The following ACACA variants were observed in gnomAD, a reference collection of about 807,000 sequenced individuals.
ACACA encodes the protein acetyl-CoA carboxylase 1.
A neutral mutation model predicts 296.1 loss-of-function variants in ACACA; 103 were observed. The observed-to-expected ratio is 0.35, with a 90% CI of 0.30 to 0.41. The LOEUF (loss-of-function observed/expected upper bound fraction) is 0.41, where lower values mean the gene tolerates loss of function less well. Ranked by LOEUF, ACACA falls within the 10% of genes least tolerant of loss-of-function variation. The probability of loss-of-function intolerance (pLI) is 1.00; values close to 1 mark genes in which losing one functional copy is unlikely to be tolerated. For missense variants in ACACA, 1,554 were observed against 2,989.7 expected, an observed-to-expected ratio of 0.52 and a Z score of 11.20; for synonymous variants, 953 against 1,038.6, an observed-to-expected ratio of 0.92 and a Z score of 1.58.
chr17:37,150,454 AC>A (rs1295400507), intron 44 of ACACA, among the ~76,000 whole-genome samples: 1 of 151,984 alleles, frequency 6.6e-6, no homozygotes, highest in African/African-American at 2.4e-5. Flanking sequence ...AGGCAGGAAA[AC>A]CACTTGAACC....
intron 42 of ACACA, among the ~76,000 whole-genome samples, chr17:37,161,293 C>T (rs1359079355): frequency 6.6e-6 from 1 of 152,074 alleles, no homozygotes; most frequent in African/African-American, 2.4e-5. Flanking sequence ...GGACAATATT[C>T]CCCTTCCAGG....
chr17:37,098,220 G>A (rs1302138403), intron 52 of ACACA, among the ~76,000 whole-genome samples: 4 of 152,194 alleles, frequency 2.6e-5, no homozygotes, highest in South Asian at 2.1e-4. Flanking sequence ...GCAGTCACAA[G>A]TGTGAAGGCA....
intron 3 of ACACA, among the ~76,000 whole-genome samples, chr17:37,285,509 T>C (rs946022152): frequency 6.6e-6 from 1 of 152,124 alleles, no homozygotes; most frequent in African/African-American, 2.4e-5. Context: ...CTTCTTTTCT[T>C]TTTACTTTAA....
chr17:37,196,629 A>C (rs968486343), intron 35 of ACACA, among the ~76,000 whole-genome samples: 4 of 152,136 alleles, frequency 2.6e-5, no homozygotes, highest in Non-Finnish European at 5.9e-5. Context: ...GCTTAAAAAA[A>C]AAAAAGCATA....
chr17:37,276,435 G>A lies in ACACA; in HGVS notation c.803-386C>T, dbSNP rs180854717. Among the ~76,000 whole-genome samples the A allele has an allele frequency of 5.3e-5, 8 of 152,218 alleles. No individual in the cohort carries two copies. The East Asian group carries it at 1.2e-3, about 22-fold the overall frequency. ...AGGATTCAAGTCTGAAATAGTATAC[G>A]CTCTTTGGTCTTAGGGGAACCCAAA... On this transcript the variant is annotated intron_variant, in intron 7 of 55. Transcript: ENST00000616317.
Position 37,342,444 on chromosome 17 carries a change from T to TAC in ACACA, c.39-2595_39-2594insGT, listed in dbSNP as rs1487229755. Among the ~76,000 whole-genome samples the TAC allele has an allele frequency of 7.8e-4, 89 of 113,438 alleles. No homozygotes were observed. In the South Asian group the frequency reaches 0.012, roughly 15 times the overall value. The allele number at this position is 113,438 out of a possible 152,430, so 74.4% of individuals were successfully genotyped here. A position where few individuals can be genotyped will look rare whatever the true frequency, so the allele number is the denominator to read the frequency against. On this transcript the variant is annotated intron_variant, in intron 1 of 55. Transcript: ENST00000616317. ...AAAAAAAAAAAAAAAAAAATATATA[T>TAC]ATATATATATATATACACACACACA... is the stretch of plus-strand genomic sequence containing the variant.
At chr17:37,397,265 T>C (rs577199909) in intron 1 of ACACA, among the ~76,000 whole-genome samples, 1 of 152,272 alleles carries the variant, frequency 6.6e-6, no homozygotes, top group Non-Finnish European at 1.5e-5. Context: ...ATGTGCCACA[T>C]TTTCTTAATC....
At chr17:37,301,183 A>G (rs563417579) in intron 3 of ACACA, among the ~76,000 whole-genome samples, 213 of 152,344 alleles carry the variant, frequency 1.4e-3, no homozygotes, top group African/African-American at 5.0e-3. Context: ...GGATCTTTCT[A>G]CGACAACCAA....
At chr17:37,178,795 C>T (rs2077213235) in intron 41 of ACACA, among the ~76,000 whole-genome samples, 1 of 151,818 alleles carries the variant, frequency 6.6e-6, no homozygotes, top group African/African-American at 2.4e-5. Context: ...AGCGAGACAC[C>T]ATCTCAAAAA....
chr17:37,134,050 A>G lies in ACACA; in HGVS notation c.5680-3832T>C, dbSNP rs538956216. ...CGGACCTAAGAATTAAGGGCACCACATAAAAGCCGGTGATTAGCAGAGACA... is the reference window on the plus strand; with the variant it reads ...CGGACCTAAGAATTAAGGGCACCACGTAAAAGCCGGTGATTAGCAGAGACA... On this transcript the variant is annotated intron_variant, in intron 45 of 55. Coordinates refer to ENST00000616317, the MANE Select transcript of ACACA (RefSeq NM_198834.3). Among the ~76,000 whole-genome samples, 143 of 152,352 alleles carry G rather than the reference A, an allele frequency of 9.4e-4. 1 individual carries two copies. The highest frequency in any genetic ancestry group is 3.1e-3 in the African/African-American group (129 of 41,578).
chr17:37,090,028 G>A (rs776503892), intron 54 of ACACA, among the ~76,000 whole-genome samples: 5 of 152,198 alleles, frequency 3.3e-5, no homozygotes, highest in African/African-American at 4.8e-5. Flanking sequence ...GTCAAAGTCA[G>A]AATGACAATG....
chr17:37,203,574 T>C (rs2145327875), intron 33 of ACACA, among the ~76,000 whole-genome samples: 1 of 151,754 alleles, frequency 6.6e-6, no homozygotes, highest in African/African-American at 2.4e-5. Context: ...AGAAACCCCA[T>C]CTCTACTAAA....
intron 3 of ACACA, among the ~76,000 whole-genome samples, chr17:37,298,966 T>C (rs1421028000): frequency 2.0e-5 from 3 of 152,064 alleles, no homozygotes. Context: ...ATCCAGGGAG[T>C]AAATCTGATA....
chr17:37,347,143 T>A (rs116803342), intron 1 of ACACA, among the ~76,000 whole-genome samples: 1 of 152,270 alleles, frequency 6.6e-6, no homozygotes, highest in African/African-American at 2.4e-5. Flanking sequence ...TTTCCCATGC[T>A]GTTCTCGTGT....
intron 52 of ACACA, among the ~76,000 whole-genome samples, chr17:37,110,269 GCTCT>G (rs1026776702): frequency 1.8e-4 from 27 of 152,346 alleles, no homozygotes; most frequent in Admixed American, 7.2e-4. Flanking sequence ...AGCTTTTAGA[GCTCT>G]CTCTATGAAC....
chr17:37,265,636 G>A (rs773856173), intron 10 of ACACA, among the ~76,000 whole-genome samples: 7 of 152,192 alleles, frequency 4.6e-5, no homozygotes, highest in Non-Finnish European at 7.3e-5. Flanking sequence ...GTAGTCATTG[G>A]TCCATAGCAA....
intron 1 of ACACA, among the ~76,000 whole-genome samples, chr17:37,358,056 A>T (rs181387082): frequency 5.0e-4 from 76 of 152,366 alleles, no homozygotes; most frequent in Admixed American, 1.7e-3. Flanking sequence ...AAGTAGAAAC[A>T]GAATCAGGAA....
intron 24 of ACACA, among the ~76,000 whole-genome samples, chr17:37,239,855 T>G (rs971057036): frequency 2.6e-5 from 4 of 152,172 alleles, no homozygotes; most frequent in Non-Finnish European, 4.4e-5. Flanking sequence ...TAAAGGAAAA[T>G]GTTTCAAATT....
chr17:37,099,405 C>T (rs529431782), intron 52 of ACACA, among the ~76,000 whole-genome samples: 3 of 152,084 alleles, frequency 2.0e-5, no homozygotes, highest in Admixed American at 6.6e-5. Context: ...TAAGGGATGA[C>T]ACAAAGGCCC....
Sources: allele counts gnomAD v4.1 joint callset (sites outside exome capture counted in the v4.1 genomes callset), GRCh38; gene constraint gnomAD v4.1.1; transcripts MANE v1.5; gene names NCBI Gene and HGNC (gene_info 2026-07-23, HGNC 2026-07-21).